Variants in RAP1GDS1 observed in about 807,000 individuals in gnomAD.
RAP1GDS1 encodes Rap1 GTPase-GDP dissociation stimulator 1, also known as RAP1, GTP-GDP dissociation stimulator 1.
A neutral mutation model predicts 71.1 loss-of-function variants in RAP1GDS1; 35 were observed. That is an observed-to-expected ratio of 0.49 (90% CI 0.38 to 0.65). The LOEUF (loss-of-function observed/expected upper bound fraction) is 0.65, where lower values mean the gene tolerates loss of function less well. Ranked by LOEUF, RAP1GDS1 falls within the 30% of genes least tolerant of loss-of-function variation. The pLI is 0.00. For synonymous variants in RAP1GDS1, 229 were observed against 243.1 expected, an observed-to-expected ratio of 0.94 and a Z score of 0.54; for missense variants, 663 against 706.1, an observed-to-expected ratio of 0.94 and a Z score of 0.69.
intron 7 of RAP1GDS1, 115 bp from the exon 8 acceptor site, chr4:98,416,630 G>C: frequency 1.0e-6 from 1 of 978,388 alleles, no homozygotes. Context: ...GATTACAGGC[G>C]TGAGCCACCG....
At chr4:98,342,064 T>C (rs1735573106) in intron 2 of RAP1GDS1, among the ~76,000 whole-genome samples, 1 of 152,168 alleles carries the variant, frequency 6.6e-6, no homozygotes, top group Non-Finnish European at 1.5e-5. Context: ...ATTCCCCAAG[T>C]AGATTTTAGC....
chr4:98,371,009 C>T (rs1740291664), intron 4 of RAP1GDS1, among the ~76,000 whole-genome samples: 1 of 151,784 alleles, frequency 6.6e-6, no homozygotes, highest in Admixed American at 6.6e-5. Flanking sequence ...AGCATCTGTT[C>T]TGTGATTGTG....
intron 3 of RAP1GDS1, among the ~76,000 whole-genome samples, chr4:98,351,890 TAATAAAG>T (rs1451756319): frequency 1.3e-5 from 2 of 151,984 alleles, no homozygotes; most frequent in Non-Finnish European, 2.9e-5. Flanking sequence ...AAATGGATTT[TAATAAAG>T]GACAGGAGTG....
chr4:98,324,568 CAG>C (rs1391596924), intron 2 of RAP1GDS1, among the ~76,000 whole-genome samples: 3 of 146,050 alleles, frequency 2.1e-5, no homozygotes, highest in East Asian at 4.0e-4. Context: ...GGTACCAAAA[CAG>C]AGATATAGAT....
chr4:98,362,441 C>T (rs561103458), intron 4 of RAP1GDS1, among the ~76,000 whole-genome samples: 3 of 152,300 alleles, frequency 2.0e-5, no homozygotes, highest in South Asian at 2.1e-4. Flanking sequence ...CTACCACACT[C>T]CAGCCTGGGT....
chr4:98,331,318 G>A (rs562894368), intron 2 of RAP1GDS1, among the ~76,000 whole-genome samples: 6 of 150,670 alleles, frequency 4.0e-5, no homozygotes, highest in Admixed American at 1.3e-4. Flanking sequence ...GGGGGAGACC[G>A]TGGAAAGCGG....
chr4:98,407,839 A>T (rs1392669350), intron 7 of RAP1GDS1, among the ~76,000 whole-genome samples: 2 of 151,424 alleles, frequency 1.3e-5, no homozygotes, highest in African/African-American at 2.4e-5. Flanking sequence ...TTTAAAAAAA[A>T]TAATAATAAG....
intron 7 of RAP1GDS1, among the ~76,000 whole-genome samples, chr4:98,416,410 A>G (rs6813960): frequency 0.16 from 20,802 of 129,412 alleles, 2,212 homozygotes; most frequent in African/African-American, 0.33. Flanking sequence ...GCAGTGTTGC[A>G]ATCTTGGCTC....
Position 98,442,251 on chromosome 4 carries a change from T to G in RAP1GDS1, c.*134T>G, listed in dbSNP as rs1026056126. 1 of 1,209,640 alleles carries G rather than the reference T, an allele frequency of 8.3e-7. No individual in the cohort carries two copies. Among genetic ancestry groups the G allele is most frequent in the African/African-American group, 1.5e-5 (1 of 65,758 alleles). 74.9% of individuals were successfully genotyped at this position (1,209,640 alleles called of 1,614,324 possible). A position where few individuals can be genotyped will look rare whatever the true frequency, so the allele number is the denominator to read the frequency against. The stretch of plus-strand genomic sequence containing the variant: ...GTTCTAATACCAATTGAAGAACCGC[T>G]GTAGGTACCTCCCTAATAAGATTTC... On this transcript the variant is annotated 3_prime_UTR_variant, in exon 15 of 15. Coordinates refer to ENST00000408927, the MANE Select transcript of RAP1GDS1 (RefSeq NM_001100427.2).
At position 98,314,025 on chromosome 4, in the gene RAP1GDS1, C is replaced by G. The variant is rs73834421; in HGVS notation, c.112+20510C>G. On this transcript the variant is annotated intron_variant, in intron 2 of 14. Transcript: ENST00000408927. ...CTGTGAGGTGAGTCCATTTTAGATG[C>G]TTGTAATTTTCTTTTCCATGGTTAA... Among the ~76,000 whole-genome samples the G allele has an allele frequency of 4.9e-3, 752 of 152,182 alleles. 7 individuals carry two copies. Among genetic ancestry groups the G allele is most frequent in the South Asian group, 0.017 (84 of 4,820 alleles).
chr4:98,364,225 G>A (rs1739160506), intron 4 of RAP1GDS1, among the ~76,000 whole-genome samples: 1 of 152,026 alleles, frequency 6.6e-6, no homozygotes, highest in African/African-American at 2.4e-5. Flanking sequence ...TTCTTAGATG[G>A]AATATGTAGA....
At chr4:98,340,263 A>T (rs1042087671) in intron 2 of RAP1GDS1, among the ~76,000 whole-genome samples, 1 of 152,220 alleles carries the variant, frequency 6.6e-6, no homozygotes, top group African/African-American at 2.4e-5. Context: ...CATGGAATCA[A>T]CTTAAGCCCA....
Position 98,303,390 on chromosome 4 carries a change from G to A in RAP1GDS1, c.112+9875G>A, listed in dbSNP as rs145750882. On this transcript the variant is annotated intron_variant, in intron 2 of 14. Transcript: ENST00000408927. ...AAACATACAAAATTTCAAAGACTTA[G>A]TACAAATTAAAAAATGTAAAATAGT... is the stretch of plus-strand genomic sequence containing the variant. Among the ~76,000 whole-genome samples, 1,023 of 151,988 alleles carry A rather than the reference G, an allele frequency of 6.7e-3. 13 individuals are homozygous for A. The highest frequency in any genetic ancestry group is 0.024 in the African/African-American group (980 of 41,520).
intron 2 of RAP1GDS1, among the ~76,000 whole-genome samples, chr4:98,336,049 C>G (rs1467148724): frequency 3.9e-5 from 6 of 152,112 alleles, no homozygotes; most frequent in African/African-American, 1.4e-4. Context: ...TTATTTACTT[C>G]ATATTTTCCC....
intron 1 of RAP1GDS1, 47 bp downstream of exon 1, chr4:98,261,616 C>T (rs373154537): frequency 1.2e-5 from 19 of 1,579,754 alleles, no homozygotes; most frequent in Non-Finnish European, 1.4e-5. Flanking sequence ...TTTTTTCTTT[C>T]TCGGCGTGCT....
At chr4:98,276,729 A>G (rs1281547406) in intron 1 of RAP1GDS1, among the ~76,000 whole-genome samples, 1 of 152,198 alleles carries the variant, frequency 6.6e-6, no homozygotes, top group Non-Finnish European at 1.5e-5. Context: ...TATGGCAACT[A>G]GAGCATTTGC....
chr4:98,322,751 T>A, intron 2 of RAP1GDS1, among the ~76,000 whole-genome samples: 1 of 122,958 alleles, frequency 8.1e-6, no homozygotes, highest in Non-Finnish European at 1.6e-5. Flanking sequence ...TACCAGAATC[T>A]CTGGGACGCA....
At chr4:98,309,412 T>C (rs1368005420) in intron 2 of RAP1GDS1, among the ~76,000 whole-genome samples, 1 of 152,070 alleles carries the variant, frequency 6.6e-6, no homozygotes, top group Non-Finnish European at 1.5e-5. Context: ...ATTTCATTTT[T>C]TATTTTTACT....
At chr4:98,341,878 G>A (rs1735554515) in intron 2 of RAP1GDS1, among the ~76,000 whole-genome samples, 1 of 152,012 alleles carries the variant, frequency 6.6e-6, no homozygotes, top group Admixed American at 6.6e-5. Context: ...ACCCATGATT[G>A]GAAATACATT....
Sources: allele counts gnomAD v4.1 joint callset (sites outside exome capture counted in the v4.1 genomes callset), GRCh38; gene constraint gnomAD v4.1.1; transcripts MANE v1.5; gene names NCBI Gene and HGNC (gene_info 2026-07-23, HGNC 2026-07-21).